Variants in SRRM4 observed in about 807,000 individuals in gnomAD.
SRRM4 encodes the protein serine/arginine repetitive matrix protein 4.
Under a neutral mutation model 68.9 loss-of-function variants are expected in SRRM4, and 33 were observed. That is an observed-to-expected ratio of 0.48 (90% CI 0.36 to 0.64). The LOEUF is 0.64. Ranked by LOEUF, SRRM4 falls within the 30% of genes least tolerant of loss-of-function variation. The pLI, the probability that SRRM4 is intolerant of heterozygous loss-of-function variation, is 0.00. For synonymous variants in SRRM4, 318 were observed against 318.8 expected (o/e 1.00, Z 0.03); for missense variants, 817 against 827.1 (o/e 0.99, Z 0.15).
intron 1 of SRRM4, among the ~76,000 whole-genome samples, chr12:119,082,388 G>T (rs558537759): frequency 6.6e-6 from 1 of 152,262 alleles, no homozygotes; most frequent in African/African-American, 2.4e-5. Flanking sequence ...GGGAAAATGT[G>T]GACCTGTAGG....
At chr12:119,114,111 G>A (rs1470610631) in intron 2 of SRRM4, 167 bp from the exon 3 acceptor site, 2 of 536,448 alleles carry the variant, frequency 3.7e-6, no homozygotes, top group Admixed American at 3.1e-5. Context: ...TCCTTATTTA[G>A]GTACTTAGTC....
chr12:119,075,796 G>A (rs1953908535), intron 1 of SRRM4, among the ~76,000 whole-genome samples: 1 of 148,836 alleles, frequency 6.7e-6, no homozygotes, highest in East Asian at 2.0e-4. Context: ...CGATGATGGT[G>A]ATGATGATGG....
At chr12:119,007,371 C>T (rs1953422636) in intron 1 of SRRM4, among the ~76,000 whole-genome samples, 1 of 152,146 alleles carries the variant, frequency 6.6e-6, no homozygotes, top group South Asian at 2.1e-4. Flanking sequence ...GGAGTTTATC[C>T]TTCTAGACTC....
chr12:119,026,978 G>T (rs1017592235), intron 1 of SRRM4, among the ~76,000 whole-genome samples: 1 of 152,194 alleles, frequency 6.6e-6, no homozygotes, highest in African/African-American at 2.4e-5. Flanking sequence ...GGAGAAGTCT[G>T]CTCAAGAGGC....
At chr12:119,137,603 AG>A (rs1954338138) in intron 8 of SRRM4, among the ~76,000 whole-genome samples, 1 of 108,250 alleles carries the variant, frequency 9.2e-6, no homozygotes, top group South Asian at 2.7e-4. Flanking sequence ...AGAGAGAGAG[AG>A]AGAGAGAGAG....
chr12:119,151,077 C>A lies in SRRM4; in HGVS notation c.1137C>A (p.Ser379=). 2 of 1,613,970 alleles carry A rather than the reference C, an allele frequency of 1.2e-6. No individual in the cohort carries two copies. Among genetic ancestry groups the A allele is most frequent in the East Asian group, 4.5e-5 (2 of 44,858 alleles). ...TGAAGAAGTCCAGTTTGGTCCCATC[C>A]ACAGCCCGGAGCTCACCCATGAAAG... ...AEVKKSSLVP[S]TARSSPMKGC... The change falls in exon 10 of 13, where the codon TCC becomes TCA. Residue 379 remains serine (S), a synonymous_variant. Transcript: ENST00000267260.
chr12:119,110,322 G>T (rs1302059009), intron 2 of SRRM4, among the ~76,000 whole-genome samples: 2 of 152,332 alleles, frequency 1.3e-5, no homozygotes, highest in African/African-American at 4.8e-5. Flanking sequence ...CTCAAACTCT[G>T]TGCTGGGAGA....
chr12:119,123,576 A>G (rs1031554066), intron 6 of SRRM4, among the ~76,000 whole-genome samples: 12 of 152,142 alleles, frequency 7.9e-5, no homozygotes, highest in Non-Finnish European at 1.8e-4. Flanking sequence ...CAAGAGCTGG[A>G]TGAGCCCCAG....
chr12:119,152,456 TGACA>T (rs1241665342), intron 10 of SRRM4, among the ~76,000 whole-genome samples: 1 of 152,182 alleles, frequency 6.6e-6, no homozygotes, highest in Non-Finnish European at 1.5e-5. Context: ...CTGAGCTCCC[TGACA>T]GACAAAGCAA....
chr12:119,031,356 T>C (rs764286342), intron 1 of SRRM4: 1 of 152,234 alleles, frequency 6.6e-6, no homozygotes, highest in African/African-American at 2.4e-5. Context: ...GTAAGATGAA[T>C]GTTGCAATCT....
chr12:119,123,331 G>A (rs1362402831), intron 6 of SRRM4, among the ~76,000 whole-genome samples: 1 of 152,160 alleles, frequency 6.6e-6, no homozygotes, highest in Non-Finnish European at 1.5e-5. Context: ...CATCGAATTT[G>A]TTCCGCTCAA....
chr12:119,058,321 A>T (rs976628336), intron 1 of SRRM4, among the ~76,000 whole-genome samples: 2 of 152,230 alleles, frequency 1.3e-5, no homozygotes, highest in Non-Finnish European at 2.9e-5. Flanking sequence ...AGTAAAGATT[A>T]ACAATAATTA....
chr12:119,057,714 A>G (rs1229971244), intron 1 of SRRM4, among the ~76,000 whole-genome samples: 1 of 152,218 alleles, frequency 6.6e-6, no homozygotes, highest in Non-Finnish European at 1.5e-5. Context: ...TATACCCAGT[A>G]ATAGGATTGC....
chr12:119,139,403 T>C (rs1411962885), intron 8 of SRRM4, among the ~76,000 whole-genome samples: 1 of 152,196 alleles, frequency 6.6e-6, no homozygotes, highest in East Asian at 1.9e-4. Context: ...AATGGAGAGC[T>C]CTGCAGAAGG....
intron 9 of SRRM4, among the ~76,000 whole-genome samples, chr12:119,150,510 T>C (rs990056743): frequency 3.9e-5 from 6 of 152,164 alleles, no homozygotes; most frequent in Admixed American, 2.6e-4. Context: ...AAAACACATA[T>C]GATTAAAACA....
chr12:119,043,947 C>A (rs1953687946), intron 1 of SRRM4, among the ~76,000 whole-genome samples: 1 of 152,140 alleles, frequency 6.6e-6, no homozygotes, highest in African/African-American at 2.4e-5. Flanking sequence ...CTCACCACAA[C>A]CTCCGCCTTC....
intron 1 of SRRM4, among the ~76,000 whole-genome samples, chr12:119,089,143 C>G (rs765815044): frequency 1.3e-5 from 2 of 152,076 alleles, no homozygotes; most frequent in Non-Finnish European, 2.9e-5. Flanking sequence ...ATATGAGAGC[C>G]CATCTTAGCA....
intron 1 of SRRM4, among the ~76,000 whole-genome samples, chr12:119,086,863 C>G (rs1476746034): frequency 6.6e-6 from 1 of 152,232 alleles, no homozygotes; most frequent in African/African-American, 2.4e-5. Flanking sequence ...TCAGCAGTGT[C>G]CATTGTGACT....
intron 1 of SRRM4, among the ~76,000 whole-genome samples, chr12:119,025,184 T>G (rs1464914118): frequency 6.6e-6 from 1 of 151,664 alleles, no homozygotes; most frequent in Non-Finnish European, 1.5e-5. Context: ...GAAAGAACAT[T>G]TACATTGAGA....
Sources: gnomAD v4.1 joint callset for allele counts (sites outside exome capture counted in the v4.1 genomes callset) on GRCh38, gnomAD v4.1.1 for gene constraint, MANE v1.5 for transcripts, NCBI Gene and HGNC (gene_info 2026-07-23, HGNC 2026-07-21) for gene names.